SLC60A1: variants seen among roughly 807,000 people sequenced by gnomAD.
SLC60A1 encodes the protein major facilitator superfamily domain containing 4.
the SLC60A1 span, among the ~76,000 whole-genome samples, chr1:205,574,876 C>T: frequency 6.6e-6 from 1 of 152,070 alleles, no homozygotes; most frequent in South Asian, 2.1e-4. Context: ...AGCTCCCAAC[C>T]TCAGAGTCTA....
At chr1:205,592,695 G>T in the SLC60A1 span, among the ~76,000 whole-genome samples, 1 of 152,114 alleles carries the variant, frequency 6.6e-6, no homozygotes, top group Non-Finnish European at 1.5e-5. Context: ...GTTCTGACCC[G>T]CTGGGCTCCC....
At chr1:205,598,887 C>G in the SLC60A1 span, 1 of 536,720 alleles carries the variant, frequency 1.9e-6, no homozygotes, top group Non-Finnish European at 3.3e-6. Context: ...GAACACAGAG[C>G]TGCAAGGGAC....
chr1:205,583,436 C>T, the SLC60A1 span, among the ~76,000 whole-genome samples: 1 of 152,212 alleles, frequency 6.6e-6, no homozygotes, highest in Non-Finnish European at 1.5e-5. Flanking sequence ...TGCCAGGCTC[C>T]ATTCTGGCTT....
chr1:205,580,627 C>A, the SLC60A1 span: 3 of 1,594,018 alleles, frequency 1.9e-6, no homozygotes, highest in African/African-American at 1.3e-5. The surrounding 1 kb of genome is among the most constrained non-coding windows in gnomAD (Gnocchi z 5.0). Flanking sequence ...AGACTGACCC[C>A]CACCCCCACC....
chr1:205,572,155 A>T, the SLC60A1 span, among the ~76,000 whole-genome samples: 1 of 152,174 alleles, frequency 6.6e-6, no homozygotes, highest in Non-Finnish European at 1.5e-5. Flanking sequence ...ACTCTCTCAG[A>T]GAAAAACAAA....
At chr1:205,596,063 G>A in the SLC60A1 span, among the ~76,000 whole-genome samples, 1 of 152,190 alleles carries the variant, frequency 6.6e-6, no homozygotes, top group Non-Finnish European at 1.5e-5. Flanking sequence ...ACAGAGACAA[G>A]TCTGAACATA....
the SLC60A1 span, chr1:205,581,064 G>A: frequency 8.9e-7 from 1 of 1,121,040 alleles, no homozygotes; most frequent in African/African-American, 1.6e-5. This position sits in a 1 kb window ranked among gnomAD's most constrained non-coding sequence, Gnocchi z 4.2. Flanking sequence ...GAGGATGGGA[G>A]GACAAACCCT....
the SLC60A1 span, chr1:205,595,103 CT>C: frequency 6.6e-6 from 1 of 152,278 alleles, no homozygotes; most frequent in Admixed American, 6.5e-5. Context: ...AGCATGGCCC[CT>C]GTCCAAGGAT....
chr1:205,592,995 T>C, the SLC60A1 span, among the ~76,000 whole-genome samples: 1 of 152,190 alleles, frequency 6.6e-6, no homozygotes. Flanking sequence ...AGATCTGGTT[T>C]CAGGAGTCAC....
chr1:205,573,367 C>T, the SLC60A1 span, among the ~76,000 whole-genome samples: 4 of 151,708 alleles, frequency 2.6e-5, no homozygotes, highest in Non-Finnish European at 2.9e-5. Flanking sequence ...TGCAGTTAGC[C>T]GAGATTGTGC....
At chr1:205,587,200 C>A in the SLC60A1 span, among the ~76,000 whole-genome samples, 1 of 152,220 alleles carries the variant, frequency 6.6e-6, no homozygotes, top group Non-Finnish European at 1.5e-5. Context: ...GCTTGAGCCA[C>A]CTCTATCTAT....
the SLC60A1 span, among the ~76,000 whole-genome samples, chr1:205,573,976 T>C: frequency 2.0e-5 from 3 of 151,584 alleles, no homozygotes; most frequent in East Asian, 5.9e-4. Flanking sequence ...GGATTACAGG[T>C]GTGAGCCACT....
At chr1:205,581,177 A>G in the SLC60A1 span, among the ~76,000 whole-genome samples, 4 of 152,252 alleles carry the variant, frequency 2.6e-5, no homozygotes, top group African/African-American at 9.6e-5. This position sits in a 1 kb window ranked among gnomAD's most constrained non-coding sequence, Gnocchi z 4.2. Flanking sequence ...ATCAGGGTCA[A>G]CTTTCGAATT....
At chr1:205,580,946 G>T in the SLC60A1 span, 2 of 1,608,470 alleles carry the variant, frequency 1.2e-6, no homozygotes, top group Non-Finnish European at 1.7e-6. This position sits in a 1 kb window ranked among gnomAD's most constrained non-coding sequence, Gnocchi z 5.0. Context: ...GGTGGGCCAG[G>T]TAGGGAGCTA....
the SLC60A1 span, among the ~76,000 whole-genome samples, chr1:205,596,467 G>C: frequency 1.3e-3 from 193 of 146,570 alleles, 2 homozygotes; most frequent in Admixed American, 5.5e-3. Context: ...GGTGTGGTGG[G>C]GCATGCCTAT....
the SLC60A1 span, among the ~76,000 whole-genome samples, chr1:205,587,645 G>A: frequency 6.6e-6 from 1 of 152,176 alleles, no homozygotes; most frequent in East Asian, 1.9e-4. Context: ...TTAGGAGGAG[G>A]AGTCTGTGAA....
At chr1:205,594,206 C>T in the SLC60A1 span, among the ~76,000 whole-genome samples, 6 of 152,240 alleles carry the variant, frequency 3.9e-5, no homozygotes, top group South Asian at 2.1e-4. Context: ...GCACCCAGCT[C>T]CCATGGGCGA....
chr1:205,579,430 T>G, the SLC60A1 span: 2 of 528,954 alleles, frequency 3.8e-6, no homozygotes, highest in Non-Finnish European at 6.7e-6. Context: ...CTGAAAAGGG[T>G]GGGGAATATT....
chr1:205,602,602 T>C, the SLC60A1 span: 9 of 152,668 alleles, frequency 5.9e-5, no homozygotes, highest in African/African-American at 9.6e-5. Context: ...TACATATTTA[T>C]TGCAAGTCAA....
Sources: allele counts gnomAD v4.1 joint callset (sites outside exome capture counted in the v4.1 genomes callset), GRCh38; gene constraint gnomAD v4.1.1; non-coding constraint Gnocchi (gnomAD v3.1); transcripts MANE v1.5; gene names NCBI Gene and HGNC (gene_info 2026-07-23, HGNC 2026-07-21).